The following CFL1 variants were observed in gnomAD, a reference collection of about 807,000 sequenced individuals.
The protein encoded by CFL1 is cofilin-1.
CFL1 carries 2 observed loss-of-function variants against 16.3 expected under a neutral mutation model. That is an observed-to-expected ratio of 0.12 (90% CI 0.05 to 0.39). The LOEUF (loss-of-function observed/expected upper bound fraction) is 0.39. Ranked by LOEUF, CFL1 falls within the 10% of genes least tolerant of loss-of-function variation. The pLI, the probability that CFL1 is intolerant of heterozygous loss-of-function variation, is 0.99. For synonymous variants in CFL1, 111 were observed against 84.4 expected, an observed-to-expected ratio of 1.31 and a Z score of -1.73; for missense variants, 75 against 212.2, an observed-to-expected ratio of 0.35 and a Z score of 4.02.
intron 1 of CFL1, 135 bp downstream of exon 1, chr11:65,857,962 C>T (rs916971434): frequency 4.3e-6 from 4 of 926,244 alleles, no homozygotes; most frequent in African/African-American, 3.6e-5. Flanking sequence ...CGGCACCGCC[C>T]GCCCCTTCGT....
chr11:65,856,336 C>T, intron 1 of CFL1, 94 bp from the exon 2 acceptor site: 1 of 1,255,608 alleles, frequency 8.0e-7, no homozygotes. Context: ...CGAGTGGTCA[C>T]TAGTGCCCTT....
At chr11:65,856,357 G>A (rs1353192626) in intron 1 of CFL1, 115 bp from the exon 2 acceptor site, 18 of 1,011,768 alleles carry the variant, frequency 1.8e-5, no homozygotes, top group Non-Finnish European at 2.3e-5. Flanking sequence ...CCCAAGGCAA[G>A]TCACTAGTTT....
At chr11:65,857,157 C>G (rs1274170362) in intron 1 of CFL1, 1 of 178,834 alleles carries the variant, frequency 5.6e-6, no homozygotes, top group Non-Finnish European at 1.3e-5. Flanking sequence ...TGGAATCGCC[C>G]TAAAACAACG....
At chr11:65,857,352 C>T (rs1209467821) in intron 1 of CFL1, 10 of 377,664 alleles carry the variant, frequency 2.6e-5, no homozygotes, top group Non-Finnish European at 5.5e-6. Flanking sequence ...TGGCCCAGGG[C>T]TTCGGCACCG....
intron 2 of CFL1, 73 bp from the exon 3 acceptor site, chr11:65,855,803 T>C (rs1254622632): frequency 1.3e-6 from 2 of 1,510,626 alleles, no homozygotes; most frequent in Non-Finnish European, 1.8e-6. Flanking sequence ...ACCCTTGGGC[T>C]GGCAGTGAGG....
chr11:65,855,181 G>A lies in CFL1; in HGVS notation c.*155C>T, dbSNP rs1859361937. 4 of 615,950 alleles carry A rather than the reference G, an allele frequency of 6.5e-6. No individual in the cohort carries two copies. The highest frequency in any genetic ancestry group is 2.8e-5 in the Admixed American group (1 of 35,498). The allele number at this position is 615,950 out of a possible 1,614,324, so 38.2% of individuals were successfully genotyped here. ...ATGGAGGGAGAAGGAAAATCCAGGG[G>A]GTGGGGGGTCTGTTTGGCAACTGGG... On this transcript the variant is annotated 3_prime_UTR_variant, in exon 4 of 4. Coordinates refer to ENST00000308162, the MANE Select transcript of CFL1 (RefSeq NM_005507.3).
At position 65,855,026 on chromosome 11, in the gene CFL1, G is replaced by T; in HGVS notation, c.*310C>A. 2.9e-6 allele frequency: 1 copy of T among 349,774 alleles called. No homozygotes were observed. The highest frequency in any genetic ancestry group is 4.1e-5 in the Admixed American group (1 of 24,394). The allele number at this position is 349,774 out of a possible 1,614,324, so 21.7% of individuals were successfully genotyped here. On this transcript the variant is annotated 3_prime_UTR_variant, in exon 4 of 4. Coordinates refer to ENST00000308162, the MANE Select transcript of CFL1 (RefSeq NM_005507.3). ...ATGGGAAGGGGGAGGACCAGGTGGG[G>T]AATGGGGATGTTGTTAAAAAAAATA...
Position 65,856,622 on chromosome 11 carries a change from G to A in CFL1, c.4-380C>T, listed in dbSNP as rs1051277027. 2.6e-4 allele frequency: 63 copies of A among 246,698 alleles called. 1 individual carries two copies. The highest frequency in any genetic ancestry group is 1.4e-3 in the African/African-American group (61 of 43,662). The allele number at this position is 246,698 out of a possible 1,614,324, so 15.3% of individuals were successfully genotyped here. A position where few individuals can be genotyped will look rare whatever the true frequency, so the allele number is the denominator to read the frequency against. ...GTGATTTAGAACTTCGGATATGGAG[G>A]ACCCAAACACCTGAGCCAAGACTCC... On this transcript the variant is annotated intron_variant, in intron 1 of 3. Transcript: ENST00000308162.
chr11:65,856,096 C>T lies in CFL1; in HGVS notation c.150G>A (p.Glu50=), dbSNP rs776713076. The change falls in exon 2 of 4, where the codon GAG becomes GAA. Residue 50 remains glutamate (E), a synonymous_variant. Coordinates refer to ENST00000308162, the MANE Select transcript of CFL1 (RefSeq NM_005507.3). ...LSEDKKNIIL[E]EGKEILVGDV... is the part of the protein sequence containing the mutation. ...CGCCCACCAGGATCTCCTTGCCCTC[C>T]TCCAGGATGATGTTCTTCTTGTCCT... The T allele has an allele frequency of 6.2e-7, 1 of 1,614,184 alleles. No homozygotes were observed. Among genetic ancestry groups the T allele is most frequent in the African/African-American group, 1.3e-5 (1 of 75,034 alleles).
rs773315558 is a variant in CFL1, at chr11:65,855,303, GCC to G, written c.*31_*32del. On this transcript the variant is annotated 3_prime_UTR_variant, in exon 4 of 4. Coordinates refer to ENST00000308162, the MANE Select transcript of CFL1 (RefSeq NM_005507.3). ...AACCCCCAAGGGCAGGTGTGGGGCT[GCC>G]AGATGCTCCAGGCAGGGGGCCAGAA... is the stretch of plus-strand genomic sequence containing the variant. 1.6e-5 allele frequency: 25 copies of G among 1,579,688 alleles called. No homozygotes were observed. The highest frequency in any genetic ancestry group is 3.3e-5 in the Admixed American group (2 of 59,928).
chr11:65,857,809 G>A (rs867529604), intron 1 of CFL1: 30 of 233,148 alleles, frequency 1.3e-4, no homozygotes, highest in Middle Eastern at 1.4e-3. Context: ...CGCGAGGGGC[G>A]CCCCAGCGCG....
rs753944820 is a variant in CFL1 at position 65,856,183 on chromosome 11, A to C, written c.63T>G (p.Arg21=). 2.0e-5 allele frequency: 32 copies of C among 1,614,020 alleles called. No individual in the cohort carries two copies. Among genetic ancestry groups the C allele is most frequent in the African/African-American group, 4.0e-5 (3 of 74,898 alleles). The change falls in exon 2 of 4, where the codon CGT becomes CGG. Residue 21 remains arginine, a synonymous_variant. Transcript: ENST00000308162. ...VIKVFNDMKV[R]KSSTPEEVKK... ...TCACCTCCTCTGGCGTTGAAGACTT[A>C]CGCACCTTCATGTCGTTGAACACCT...
chr11:65,856,490 T>C (rs1167994741), intron 1 of CFL1: 2 of 477,172 alleles, frequency 4.2e-6, no homozygotes, highest in Admixed American at 7.4e-5. Context: ...GCAAAACTCG[T>C]GAAAAGCAGA....
At chr11:65,856,480 G>A (rs1022107770) in intron 1 of CFL1, 2 of 498,490 alleles carry the variant, frequency 4.0e-6, no homozygotes, top group Admixed American at 3.6e-5. Flanking sequence ...GGATAGAAAT[G>A]CAAAACTCGT....
Position 65,855,251 on chromosome 11 carries a change from CG to C in CFL1, c.*84del. 1 of 1,143,182 alleles carries C rather than the reference CG, an allele frequency of 8.7e-7. No homozygotes were observed. The highest frequency in any genetic ancestry group is 1.3e-6 in the Non-Finnish European group (1 of 764,256). 70.8% of individuals were successfully genotyped at this position (1,143,182 alleles called of 1,614,324 possible). ...CCTGCTGGGATCCCCCCAGCCCCTC[CG>C]GTCTGGCAGGAAGGGGGCAGCCTGC... is the stretch of plus-strand genomic sequence containing the variant. On this transcript the variant is annotated 3_prime_UTR_variant, in exon 4 of 4. Coordinates refer to ENST00000308162, the MANE Select transcript of CFL1 (RefSeq NM_005507.3).
chr11:65,855,900 G>A (rs1388323063), intron 2 of CFL1, 35 bp downstream of exon 2: 2 of 1,590,548 alleles, frequency 1.3e-6, no homozygotes, highest in Admixed American at 1.7e-5. Flanking sequence ...GAGAAAGGGG[G>A]CAGGTGACAG....
chr11:65,855,289 G>C lies in CFL1; in HGVS notation c.*47C>G. Reference sequence around the variant, plus strand: ...AGGGGGCAGCCTGCAACCCCCAAGGGCAGGTGTGGGGCTGCCAGATGCTCC... The same window carrying C: ...AGGGGGCAGCCTGCAACCCCCAAGGCCAGGTGTGGGGCTGCCAGATGCTCC... On this transcript the variant is annotated 3_prime_UTR_variant, in exon 4 of 4. Transcript: ENST00000308162. 1 of 1,512,866 alleles carries C rather than the reference G, an allele frequency of 6.6e-7. No homozygotes were observed. 93.7% of individuals were successfully genotyped at this position (1,512,866 alleles called of 1,614,324 possible).
In CFL1 at chr11:65,854,806, G is replaced by A. The variant is rs1312297144; in HGVS notation, c.*530C>T. ...ACCTTGAAAAACACATCCCATTAATGAGCCTTTTTATTATTGTCTTTTTTT... is the reference window on the plus strand; with the variant it reads ...ACCTTGAAAAACACATCCCATTAATAAGCCTTTTTATTATTGTCTTTTTTT... On this transcript the variant is annotated 3_prime_UTR_variant, in exon 4 of 4. Coordinates refer to ENST00000308162, the MANE Select transcript of CFL1 (RefSeq NM_005507.3). 1 of 153,708 alleles carries A rather than the reference G, an allele frequency of 6.5e-6. No individual in the cohort carries two copies. The highest frequency in any genetic ancestry group is 1.4e-5 in the Non-Finnish European group (1 of 69,146). 9.5% of individuals were successfully genotyped at this position (153,708 alleles called of 1,614,324 possible). A position where few individuals can be genotyped will look rare whatever the true frequency, so the allele number is the denominator to read the frequency against.
intron 1 of CFL1, chr11:65,856,495 A>G (rs751257640): frequency 4.3e-6 from 2 of 470,586 alleles, no homozygotes; most frequent in East Asian, 7.8e-5. Context: ...ACTCGTGAAA[A>G]GCAGAACCTT....
Sources: allele counts gnomAD v4.1 joint callset, GRCh38; gene constraint gnomAD v4.1.1; transcripts MANE v1.5; gene names NCBI Gene and HGNC (gene_info 2026-07-23, HGNC 2026-07-21).